The following ZNF804B variants were observed in gnomAD, a reference collection of about 807,000 sequenced individuals.
The protein encoded by ZNF804B is zinc finger 804B.
In ZNF804B, 80 loss-of-function variants were observed where a neutral mutation model predicts 101.4. That is an observed-to-expected ratio of 0.79 (90% CI 0.66 to 0.95). The LOEUF is 0.95. Ranked by LOEUF, ZNF804B falls within the 40% of genes least tolerant of loss-of-function variation. ZNF804B has a pLI of 0.00. For missense variants in ZNF804B, 1,673 were observed against 1,561.9 expected, an observed-to-expected ratio of 1.07 and a Z score of -1.20; for synonymous variants, 622 against 558.8, an observed-to-expected ratio of 1.11 and a Z score of -1.59.
chr7:89,245,689 A>T (rs114883480), intron 2 of ZNF804B, among the ~76,000 whole-genome samples: 5 of 152,144 alleles, frequency 3.3e-5, no homozygotes, highest in African/African-American at 1.2e-4. Flanking sequence ...AAATAGGAAC[A>T]GTGCATAAAT....
At chr7:88,810,623 A>C (rs1936782148) in intron 1 of ZNF804B, among the ~76,000 whole-genome samples, 1 of 151,894 alleles carries the variant, frequency 6.6e-6, no homozygotes, top group South Asian at 2.1e-4. Context: ...TGATTGCTTC[A>C]CTGCACTCTA....
intron 1 of ZNF804B, among the ~76,000 whole-genome samples, chr7:88,934,232 T>G (rs1792933669): frequency 6.6e-6 from 1 of 151,978 alleles, no homozygotes; most frequent in Non-Finnish European, 1.5e-5. Context: ...TATAAATGGT[T>G]CCTCATCTCT....
At position 89,274,163 on chromosome 7, in the gene ZNF804B, CT is replaced by C. The variant is rs374562732; in HGVS notation, c.250-53172del. 2.1e-4 allele frequency among the ~76,000 whole-genome samples: 29 copies of C among 141,028 alleles called. No homozygotes were observed. In the South Asian group the frequency reaches 2.4e-3, roughly 12 times the overall value. 92.5% of individuals were successfully genotyped at this position (141,028 alleles called of 152,430 possible). A position where few individuals can be genotyped will look rare whatever the true frequency, so the allele number is the denominator to read the frequency against. On this transcript the variant is annotated intron_variant, in intron 2 of 3. Coordinates refer to ENST00000333190, the MANE Select transcript of ZNF804B (RefSeq NM_181646.5). ...TTTTATTTTATTTTATTTTCTTTTT[CT>C]TTTTTTTTATTATACTTTAAGTTTT...
chr7:89,057,985 C>A (rs1303335589), intron 1 of ZNF804B, among the ~76,000 whole-genome samples: 1 of 152,032 alleles, frequency 6.6e-6, no homozygotes, highest in African/African-American at 2.4e-5. Context: ...AGGCATTTAT[C>A]AATATTCTAT....
chr7:89,311,787 G>C (rs970437008), intron 2 of ZNF804B, among the ~76,000 whole-genome samples: 10 of 152,140 alleles, frequency 6.6e-5, no homozygotes, highest in Non-Finnish European at 1.2e-4. Flanking sequence ...ATAATCAATA[G>C]AGATATTTAT....
intron 1 of ZNF804B, among the ~76,000 whole-genome samples, chr7:89,114,966 G>A (rs1583994974): frequency 6.6e-6 from 1 of 152,288 alleles, no homozygotes; most frequent in East Asian, 1.9e-4. Context: ...CCATAACCAA[G>A]TATTTTTTTT....
At chr7:89,055,711 C>T (rs1789281043) in intron 1 of ZNF804B, among the ~76,000 whole-genome samples, 1 of 152,052 alleles carries the variant, frequency 6.6e-6, no homozygotes, top group Admixed American at 6.6e-5. Flanking sequence ...TTCCATGGTC[C>T]TTTGCATTTG....
intron 1 of ZNF804B, among the ~76,000 whole-genome samples, chr7:89,026,937 T>C (rs1006297155): frequency 6.6e-6 from 1 of 152,122 alleles, no homozygotes; most frequent in Non-Finnish European, 1.5e-5. Flanking sequence ...AAAGATATTC[T>C]AAGAAAGTGG....
chr7:89,258,473 G>A (rs532056220), intron 2 of ZNF804B, among the ~76,000 whole-genome samples: 18 of 152,166 alleles, frequency 1.2e-4, no homozygotes, highest in African/African-American at 4.3e-4. Context: ...AATAATTTAG[G>A]AAAAGCCATA....
At chr7:89,008,006 A>T (rs534231660) in intron 1 of ZNF804B, among the ~76,000 whole-genome samples, 26 of 152,282 alleles carry the variant, frequency 1.7e-4, no homozygotes, top group African/African-American at 6.3e-4. Context: ...AATTATTCTC[A>T]TGACAATCAG....
intron 1 of ZNF804B, among the ~76,000 whole-genome samples, chr7:89,204,050 T>C (rs1300454480): frequency 6.6e-6 from 1 of 152,144 alleles, no homozygotes; most frequent in Non-Finnish European, 1.5e-5. Flanking sequence ...AATGGTCATT[T>C]CTCTCATAGA....
chr7:89,259,564 A>T (rs1208834), intron 2 of ZNF804B, among the ~76,000 whole-genome samples: 1 of 152,024 alleles, frequency 6.6e-6, no homozygotes, highest in African/African-American at 2.4e-5. Flanking sequence ...CATTGACAAG[A>T]CTTTCCATAG....
intron 1 of ZNF804B, among the ~76,000 whole-genome samples, chr7:88,957,513 TCAAACACATGAATTAAGCAAATATTCAA>T (rs1793328014): frequency 2.0e-5 from 3 of 151,416 alleles, no homozygotes; most frequent in Admixed American, 1.3e-4. Context: ...GCAGAGATTA[TCAAACACATGAATTAAGCAAATATTCAA>T]GGTCTATAAT....
At chr7:88,939,665 TA>T (rs2116041976) in intron 1 of ZNF804B, among the ~76,000 whole-genome samples, 1 of 151,448 alleles carries the variant, frequency 6.6e-6, no homozygotes, top group South Asian at 2.1e-4. Flanking sequence ...ACAAATACAC[TA>T]TTTAAAACAT....
intron 1 of ZNF804B, among the ~76,000 whole-genome samples, chr7:89,195,033 A>G (rs1246203751): frequency 6.6e-6 from 1 of 151,812 alleles, no homozygotes; most frequent in African/African-American, 2.4e-5. Flanking sequence ...GGCTGGTTCA[A>G]TATATGCAAA....
At chr7:89,297,956 T>C (rs186901553) in intron 2 of ZNF804B, among the ~76,000 whole-genome samples, 121 of 150,160 alleles carry the variant, frequency 8.1e-4, no homozygotes, top group African/African-American at 2.8e-3. Context: ...TAGGATCTAA[T>C]CTAGGATCAG....
intron 1 of ZNF804B, among the ~76,000 whole-genome samples, chr7:88,848,664 T>C (rs539155793): frequency 6.7e-6 from 1 of 150,272 alleles, no homozygotes; most frequent in East Asian, 2.0e-4. Flanking sequence ...GTTTTAGAAA[T>C]TACGGACTTG....
At chr7:88,877,454 A>G (rs1449174659) in intron 1 of ZNF804B, among the ~76,000 whole-genome samples, 2 of 152,080 alleles carry the variant, frequency 1.3e-5, no homozygotes, top group African/African-American at 4.8e-5. Context: ...TATCTATCTG[A>G]AGGTATTATA....
chr7:88,829,651 G>C (rs1313703813), intron 1 of ZNF804B, among the ~76,000 whole-genome samples: 1 of 152,054 alleles, frequency 6.6e-6, no homozygotes, highest in Non-Finnish European at 1.5e-5. Flanking sequence ...GAAGAAGTTG[G>C]AAGTGTGTTA....
Sources: allele counts gnomAD v4.1 joint callset (sites outside exome capture counted in the v4.1 genomes callset), GRCh38; gene constraint gnomAD v4.1.1; transcripts MANE v1.5; gene names NCBI Gene and HGNC (gene_info 2026-07-23, HGNC 2026-07-21).